GPATCH2: variants seen among roughly 807,000 people sequenced by gnomAD.
The protein encoded by GPATCH2 is G patch domain-containing protein 2.
A neutral mutation model predicts 58.0 loss-of-function variants in GPATCH2; 51 were observed. The ratio of observed to expected loss-of-function variants is 0.88; its 90% CI spans 0.70 to 1.11. GPATCH2 has a LOEUF of 1.11. Ranked by LOEUF, GPATCH2 falls within the 50% of genes most tolerant of loss-of-function variation. GPATCH2 has a pLI of 0.00. For missense variants in GPATCH2, 625 were observed against 652.2 expected (o/e 0.96, Z 0.45); for synonymous variants, 222 against 218.5 (o/e 1.02, Z -0.14).
chr1:217,621,932 T>C (rs1047648885), intron 1 of GPATCH2, among the ~76,000 whole-genome samples: 3 of 152,158 alleles, frequency 2.0e-5, no homozygotes, highest in Admixed American at 6.5e-5. Flanking sequence ...ACAACAACCC[T>C]ATGAGGTGGG....
chr1:217,518,238 A>G (rs953855382), intron 5 of GPATCH2, among the ~76,000 whole-genome samples: 7 of 152,162 alleles, frequency 4.6e-5, no homozygotes, highest in African/African-American at 1.7e-4. Flanking sequence ...TTTAAATATT[A>G]TCAGTCTCAG....
chr1:217,585,349 G>A (rs545106351), intron 5 of GPATCH2, among the ~76,000 whole-genome samples: 4 of 152,224 alleles, frequency 2.6e-5, no homozygotes, highest in South Asian at 4.2e-4. Context: ...AGTGCCGGGC[G>A]CGGTGGCTCA....
chr1:217,447,830 C>T (rs964649504), intron 9 of GPATCH2, among the ~76,000 whole-genome samples: 1 of 152,140 alleles, frequency 6.6e-6, no homozygotes, highest in African/African-American at 2.4e-5. Context: ...CGGTGGCTCA[C>T]GAGCCACCTG....
At chr1:217,504,157 A>G (rs1444991914) in intron 6 of GPATCH2, among the ~76,000 whole-genome samples, 1 of 152,198 alleles carries the variant, frequency 6.6e-6, no homozygotes, top group South Asian at 2.1e-4. Context: ...GGAAAGGTAG[A>G]TGGTAGTATG....
chr1:217,619,987 T>G lies in GPATCH2; in HGVS notation c.569A>C (p.Asp190Ala). The change falls in exon 2 of 10, where the codon GAT becomes GCT. Residue 190 changes from aspartate to alanine, a missense_variant. By Grantham distance (126) the Asp-to-Ala change is moderately radical. Coordinates refer to ENST00000366935, the MANE Select transcript of GPATCH2 (RefSeq NM_018040.5). The part of the protein sequence containing the change: ...TMTQPPEGCR[D>A]QDMDSDRAYQ... ...GGCTCTATCACTGTCCATGTCCTGA[T>G]CTCTACAACCCTCAGGTGGCTGGGT... 6.2e-7 allele frequency: 1 copy of G among 1,614,046 alleles called. No individual in the cohort carries two copies.
chr1:217,521,933 T>C (rs1663482507), intron 5 of GPATCH2, among the ~76,000 whole-genome samples: 1 of 152,142 alleles, frequency 6.6e-6, no homozygotes, highest in Admixed American at 6.5e-5. Flanking sequence ...TTGCATTAAG[T>C]AGTGAATAAA....
At chr1:217,508,871 TA>T (rs978062015) in intron 6 of GPATCH2, among the ~76,000 whole-genome samples, 11 of 152,252 alleles carry the variant, frequency 7.2e-5, no homozygotes, top group African/African-American at 2.6e-4. Context: ...TATTTCTGAT[TA>T]AAAAAACCTA....
chr1:217,453,443 T>TA (rs1207173271), intron 8 of GPATCH2, among the ~76,000 whole-genome samples: 1 of 152,200 alleles, frequency 6.6e-6, no homozygotes, highest in East Asian at 1.9e-4. Context: ...GTCTGTCACT[T>TA]ACGATTTGAA....
At chr1:217,436,653 G>A (rs546453348) in intron 9 of GPATCH2, among the ~76,000 whole-genome samples, 48 of 152,246 alleles carry the variant, frequency 3.2e-4, no homozygotes, top group African/African-American at 1.1e-3. Context: ...TTTGGATAAC[G>A]TAGAATACAA....
chr1:217,545,111 CCTTT>C (rs1664968144), intron 5 of GPATCH2, among the ~76,000 whole-genome samples: 1 of 152,216 alleles, frequency 6.6e-6, no homozygotes, highest in African/African-American at 2.4e-5. Context: ...AGTGCCATTT[CCTTT>C]CTCTCTCTTT....
intron 5 of GPATCH2, among the ~76,000 whole-genome samples, chr1:217,572,022 A>AAGGG (rs1361756522): frequency 2.8e-5 from 4 of 140,626 alleles, no homozygotes; most frequent in Non-Finnish European, 4.6e-5. Context: ...GGAAGGAAGG[A>AAGGG]AGGGAGGTAG....
At chr1:217,498,245 G>C in intron 7 of GPATCH2, 111 bp downstream of exon 7, 1 of 844,014 alleles carries the variant, frequency 1.2e-6, no homozygotes, top group African/African-American at 1.7e-5. Context: ...CTTTTAAAAT[G>C]AGCGGGGATT....
chr1:217,610,134 A>G, intron 5 of GPATCH2, 187 bp downstream of exon 5: 1 of 1,550,996 alleles, frequency 6.4e-7, no homozygotes, highest in South Asian at 1.2e-5. Context: ...AAACGTAACT[A>G]ATTTATTAGC....
intron 2 of GPATCH2, among the ~76,000 whole-genome samples, chr1:217,618,221 C>CTTT (rs34863823): frequency 4.0e-5 from 5 of 124,750 alleles, no homozygotes; most frequent in East Asian, 2.2e-4. Flanking sequence ...CCTCTGGAAA[C>CTTT]TTTTTTTTTT....
chr1:217,607,579 C>G (rs1208283095), intron 5 of GPATCH2, among the ~76,000 whole-genome samples: 1 of 152,126 alleles, frequency 6.6e-6, no homozygotes, highest in Non-Finnish European at 1.5e-5. Flanking sequence ...TTAAATGTCT[C>G]TAAACACAAA....
chr1:217,550,067 A>G (rs1373990190), intron 5 of GPATCH2, among the ~76,000 whole-genome samples: 2 of 152,084 alleles, frequency 1.3e-5, no homozygotes, highest in Non-Finnish European at 2.9e-5. Context: ...CCTAAATACT[A>G]TATATTTTTC....
chr1:217,608,477 T>C lies in GPATCH2; in HGVS notation c.1098+1844A>G, dbSNP rs1406101544. 19 of 985,094 alleles carry C rather than the reference T, an allele frequency of 1.9e-5. No individual in the cohort carries two copies. The Admixed American group carries it at 1.0e-3, about 54-fold the overall frequency. The allele number at this position is 985,094 out of a possible 1,614,324, so 61.0% of individuals were successfully genotyped here. A position where few individuals can be genotyped will look rare whatever the true frequency, so the allele number is the denominator to read the frequency against. On this transcript the variant is annotated intron_variant, in intron 5 of 9. Transcript: ENST00000366935. ...GTATGGTTAAGCCATGTATCATCAA[T>C]ACCATGAAGCTAGCCTATCAGTTGT...
At chr1:217,603,189 C>T (rs1257326766) in intron 5 of GPATCH2, among the ~76,000 whole-genome samples, 3 of 152,016 alleles carry the variant, frequency 2.0e-5, no homozygotes, top group African/African-American at 4.8e-5. Flanking sequence ...ATCACAAACC[C>T]AAATGACAAT....
intron 8 of GPATCH2, among the ~76,000 whole-genome samples, chr1:217,468,833 G>A (rs898240867): frequency 3.3e-5 from 5 of 151,652 alleles, no homozygotes; most frequent in Non-Finnish European, 5.9e-5. Flanking sequence ...TTTGCCACAC[G>A]TTGATAATTA....
Sources: allele counts gnomAD v4.1 joint callset (sites outside exome capture counted in the v4.1 genomes callset), GRCh38; gene constraint gnomAD v4.1.1; transcripts MANE v1.5; gene names NCBI Gene and HGNC (gene_info 2026-07-23, HGNC 2026-07-21).